DCC: variants seen among roughly 807,000 people sequenced by gnomAD.
DCC encodes DCC netrin 1 receptor.
A neutral mutation model predicts 172.5 loss-of-function variants in DCC; 58 were observed. That is an observed-to-expected ratio of 0.34 (90% CI 0.27 to 0.42). DCC has a LOEUF of 0.42. Ranked by LOEUF, DCC falls within the 10% of genes least tolerant of loss-of-function variation. DCC has a pLI of 1.00. For synonymous variants in DCC, 709 were observed against 644.5 expected, an observed-to-expected ratio of 1.10 and a Z score of -1.52; for missense variants, 1,740 against 1,791.0, an observed-to-expected ratio of 0.97 and a Z score of 0.51.
chr18:53,407,210 T>G (rs929214278), intron 19 of DCC, among the ~76,000 whole-genome samples: 4 of 152,112 alleles, frequency 2.6e-5, no homozygotes, highest in Non-Finnish European at 5.9e-5. Context: ...TTTTCCAGTT[T>G]CATCATGCAC....
chr18:53,304,435 A>G (rs1185117821), intron 12 of DCC, among the ~76,000 whole-genome samples: 1 of 152,196 alleles, frequency 6.6e-6, no homozygotes, highest in Non-Finnish European at 1.5e-5. Context: ...CCCAAGAAGC[A>G]TATACCTGGT....
chr18:53,135,087 A>C (rs2144330986), intron 7 of DCC, among the ~76,000 whole-genome samples: 1 of 152,218 alleles, frequency 6.6e-6, no homozygotes, highest in African/African-American at 2.4e-5. Context: ...GAAATCCATT[A>C]TATTTGTAAT....
chr18:52,506,047 G>A (rs1598872848), intron 1 of DCC, among the ~76,000 whole-genome samples: 1 of 152,146 alleles, frequency 6.6e-6, no homozygotes, highest in East Asian at 1.9e-4. Context: ...ATTTATTAAT[G>A]TGATCATAGC....
chr18:52,909,960 A>C lies in DCC; in HGVS notation c.697+3632A>C, dbSNP rs140542762. On this transcript the variant is annotated intron_variant, in intron 3 of 28. Transcript: ENST00000442544. ...GGAAAAAGAGCAGCACGTGAAAAGC[A>C]TAAAGAAAATAGAGATCAAAAGCTT... Among the ~76,000 whole-genome samples, 649 of 152,264 alleles carry C rather than the reference A, an allele frequency of 4.3e-3. 8 individuals are homozygous for C. The highest frequency in any genetic ancestry group is 0.014 in the African/African-American group (582 of 41,566).
chr18:53,150,122 G>A (rs993624931), intron 7 of DCC, among the ~76,000 whole-genome samples: 1 of 152,206 alleles, frequency 6.6e-6, no homozygotes, highest in African/African-American at 2.4e-5. Context: ...AGAGCAGGCT[G>A]TGATATATTT....
At chr18:53,406,703 C>CAAAAAA (rs35372678) in intron 19 of DCC, among the ~76,000 whole-genome samples, 48 of 92,302 alleles carry the variant, frequency 5.2e-4, no homozygotes, top group Non-Finnish European at 9.9e-4. Flanking sequence ...GACTCTGTCT[C>CAAAAAA]AAAAAAAAAA....
At chr18:53,042,549 T>C (rs1241795440) in intron 5 of DCC, among the ~76,000 whole-genome samples, 1 of 151,960 alleles carries the variant, frequency 6.6e-6, no homozygotes, top group African/African-American at 2.4e-5. Context: ...TCCCTCTTTT[T>C]CTATTGTTTG....
chr18:53,039,438 T>C (rs1209703119), intron 5 of DCC, among the ~76,000 whole-genome samples: 1 of 152,066 alleles, frequency 6.6e-6, no homozygotes, highest in Non-Finnish European at 1.5e-5. Context: ...GTAAGGAATA[T>C]TTGCCAGAGG....
intron 1 of DCC, among the ~76,000 whole-genome samples, chr18:52,504,637 CA>C (rs1449815834): frequency 6.6e-6 from 1 of 152,080 alleles, no homozygotes; most frequent in Non-Finnish European, 1.5e-5. Context: ...GAAGATAGAG[CA>C]AAATGAATTA....
chr18:52,491,367 AAAAG>A lies in DCC; in HGVS notation c.91+150490_91+150493del, dbSNP rs139753656. On this transcript the variant is annotated intron_variant, in intron 1 of 28. Coordinates refer to ENST00000442544, the MANE Select transcript of DCC (RefSeq NM_005215.4). ...AATTGCAAACTGTGGTATGATACAT[AAAAG>A]TAAAGTTGGTTGCTTAATTTTTTAT... is the stretch of plus-strand genomic sequence containing the variant. 7.2e-3 allele frequency among the ~76,000 whole-genome samples: 1,100 copies of A among 152,210 alleles called. 17 individuals carry two copies. The highest frequency in any genetic ancestry group is 0.025 in the African/African-American group (1,034 of 41,564).
chr18:53,149,483 A>G (rs1016202452), intron 7 of DCC, among the ~76,000 whole-genome samples: 1 of 152,206 alleles, frequency 6.6e-6, no homozygotes, highest in African/African-American at 2.4e-5. Flanking sequence ...ATTTAATTGC[A>G]GTTCGCTAGT....
chr18:53,140,926 T>C (rs2043820345), intron 7 of DCC, among the ~76,000 whole-genome samples: 1 of 152,168 alleles, frequency 6.6e-6, no homozygotes, highest in Non-Finnish European at 1.5e-5. Context: ...GAGTTTGTTT[T>C]AGGATGAGTT....
chr18:53,287,654 A>C (rs866725848), intron 12 of DCC, among the ~76,000 whole-genome samples: 3 of 152,066 alleles, frequency 2.0e-5, no homozygotes, highest in Non-Finnish European at 4.4e-5. Flanking sequence ...CATTTTTTTC[A>C]CATCCTTGCC....
chr18:53,416,402 A>G (rs1382960010), intron 21 of DCC: 2 of 659,162 alleles, frequency 3.0e-6, no homozygotes, highest in East Asian at 5.6e-5. Flanking sequence ...TAAAATGTCA[A>G]GCTTCTTTGT....
chr18:52,603,530 A>G (rs1446174433), intron 1 of DCC, among the ~76,000 whole-genome samples: 1 of 151,970 alleles, frequency 6.6e-6, no homozygotes, highest in Non-Finnish European at 1.5e-5. Context: ...TTTAACTTAA[A>G]AAGTTGAGAT....
At chr18:52,672,287 G>T (rs1268195280) in intron 1 of DCC, among the ~76,000 whole-genome samples, 1 of 152,174 alleles carries the variant, frequency 6.6e-6, no homozygotes, top group Admixed American at 6.5e-5. Context: ...AGCAATATGT[G>T]TGTATACGCT....
At chr18:53,256,004 A>G (rs1227551806) in intron 12 of DCC, among the ~76,000 whole-genome samples, 1 of 152,202 alleles carries the variant, frequency 6.6e-6, no homozygotes, top group African/African-American at 2.4e-5. Flanking sequence ...GGCTGAATAA[A>G]TGTCTTCTTT....
At chr18:53,033,390 CTCTT>C (rs1339883318) in intron 5 of DCC, among the ~76,000 whole-genome samples, 1 of 152,154 alleles carries the variant, frequency 6.6e-6, no homozygotes, top group African/African-American at 2.4e-5. Context: ...AGATGGGTGA[CTCTT>C]TCGCAATGTT....
intron 14 of DCC, among the ~76,000 whole-genome samples, chr18:53,324,202 G>T (rs900794971): frequency 6.6e-6 from 1 of 152,178 alleles, no homozygotes; most frequent in African/African-American, 2.4e-5. Flanking sequence ...GAGGCTTAGA[G>T]ATATTATTTA....
Sources: gnomAD v4.1 joint callset for allele counts (sites outside exome capture counted in the v4.1 genomes callset) on GRCh38, gnomAD v4.1.1 for gene constraint, MANE v1.5 for transcripts, NCBI Gene and HGNC (gene_info 2026-07-23, HGNC 2026-07-21) for gene names.